EYS: variants seen among roughly 807,000 people sequenced by gnomAD.
The protein encoded by EYS is EGF-like photoreceptor maintenance factor, also known as protein eyes shut homolog.
In EYS, 250 loss-of-function variants were observed where a neutral mutation model predicts 282.1. The observed-to-expected ratio is 0.89, with a 90% CI of 0.80 to 0.98. EYS has a LOEUF of 0.98. EYS is among the 50% of genes least tolerant of loss of function. EYS has a pLI of 0.00. For synonymous variants in EYS, 1,355 were observed against 1,282.9 expected (o/e 1.06, Z -1.20); for missense variants, 4,016 against 3,709.0 (o/e 1.08, Z -2.15).
At chr6:64,823,084 G>A (rs1764948607) in intron 19 of EYS, among the ~76,000 whole-genome samples, 1 of 151,930 alleles carries the variant, frequency 6.6e-6, no homozygotes, top group South Asian at 2.1e-4. Flanking sequence ...GATGTTTGTT[G>A]AGAATATTAG....
chr6:64,396,510 G>A (rs1233940954), intron 28 of EYS, among the ~76,000 whole-genome samples: 3 of 151,846 alleles, frequency 2.0e-5, no homozygotes, highest in Non-Finnish European at 4.4e-5. Context: ...TTAGTATTTT[G>A]TTGTTGTTCC....
rs1389565891 is a variant in EYS, at chr6:64,445,825, A to G, written c.5645-6473T>C. 2.6e-5 allele frequency among the ~76,000 whole-genome samples: 4 copies of G among 152,282 alleles called. No individual in the cohort carries two copies. In the East Asian group the frequency reaches 5.8e-4, roughly 22 times the overall value. On this transcript the variant is annotated intron_variant, in intron 26 of 42. Transcript: ENST00000503581. ...TTAACTGGCTAGAACTGGGTGACCA[A>G]TGAAGCCCTCTGTTGGAGATGAGGA...
chr6:65,062,971 T>C (rs564918870), intron 12 of EYS, among the ~76,000 whole-genome samples: 1 of 152,126 alleles, frequency 6.6e-6, no homozygotes, highest in Non-Finnish European at 1.5e-5. Flanking sequence ...TACCTTCTTT[T>C]CCATCCTTAG....
At chr6:63,846,877 T>A (rs1772112148) in intron 36 of EYS, among the ~76,000 whole-genome samples, 1 of 152,194 alleles carries the variant, frequency 6.6e-6, no homozygotes, top group Non-Finnish European at 1.5e-5. Flanking sequence ...ATACATGAGC[T>A]TTTGCAAGCT....
At chr6:65,486,172 C>T (rs756350252) in intron 5 of EYS, among the ~76,000 whole-genome samples, 2 of 152,112 alleles carry the variant, frequency 1.3e-5, no homozygotes, top group Admixed American at 6.5e-5. Flanking sequence ...TCATGATATT[C>T]ACACAACTAA....
At chr6:65,121,588 TG>T (rs1211373837) in intron 12 of EYS, among the ~76,000 whole-genome samples, 1 of 152,248 alleles carries the variant, frequency 6.6e-6, no homozygotes, top group African/African-American at 2.4e-5. Flanking sequence ...CAGAATATTT[TG>T]GGGGGAGTGA....
chr6:64,992,269 A>T (rs950916665), intron 14 of EYS, among the ~76,000 whole-genome samples: 2 of 151,908 alleles, frequency 1.3e-5, no homozygotes, highest in African/African-American at 4.8e-5. Context: ...TATGAATACT[A>T]TAAGAAGTTT....
chr6:63,848,472 C>T (rs903092178), intron 36 of EYS, among the ~76,000 whole-genome samples: 3 of 151,846 alleles, frequency 2.0e-5, no homozygotes, highest in African/African-American at 7.3e-5. Context: ...TCTGCACTTC[C>T]AACTGAGGTA....
chr6:63,729,961 C>T (rs1768740968), intron 41 of EYS, among the ~76,000 whole-genome samples: 1 of 152,142 alleles, frequency 6.6e-6, no homozygotes, highest in Non-Finnish European at 1.5e-5. Flanking sequence ...AGTCATCTCT[C>T]TTATTGATTA....
intron 5 of EYS, among the ~76,000 whole-genome samples, chr6:65,454,806 G>A (rs1433216942): frequency 2.0e-5 from 3 of 152,012 alleles, no homozygotes; most frequent in Admixed American, 6.6e-5. Flanking sequence ...TTGAAAATCA[G>A]TTCACTGTAG....
intron 5 of EYS, among the ~76,000 whole-genome samples, chr6:65,419,914 A>G (rs1260880394): frequency 6.6e-6 from 1 of 151,972 alleles, no homozygotes; most frequent in African/African-American, 2.4e-5. Context: ...ATTATAATCT[A>G]TTAAGTGTGC....
chr6:64,514,210 C>T (rs1223675111), intron 26 of EYS, among the ~76,000 whole-genome samples: 1 of 151,564 alleles, frequency 6.6e-6, no homozygotes, highest in Non-Finnish European at 1.5e-5. Context: ...TGATTATGTG[C>T]CCTAGACCTA....
chr6:64,962,908 G>A (rs948230620), intron 14 of EYS, among the ~76,000 whole-genome samples: 5 of 152,086 alleles, frequency 3.3e-5, no homozygotes, highest in Non-Finnish European at 7.4e-5. Context: ...TGATTAGCTC[G>A]ATGAGGCTTA....
At chr6:64,498,182 C>T (rs755080688) in intron 26 of EYS, among the ~76,000 whole-genome samples, 2 of 152,042 alleles carry the variant, frequency 1.3e-5, no homozygotes, top group Non-Finnish European at 2.9e-5. Context: ...TTATTTATTG[C>T]TCTAAGTGAT....
chr6:65,177,096 T>A (rs1214434725), intron 12 of EYS, among the ~76,000 whole-genome samples: 1 of 151,794 alleles, frequency 6.6e-6, no homozygotes, highest in African/African-American at 2.4e-5. Flanking sequence ...TTCAATTAAC[T>A]AAGGGAATTT....
At position 64,926,548 on chromosome 6, in the gene EYS, A is replaced by T. The variant is rs187360628; in HGVS notation, c.2382-13805T>A. Among the ~76,000 whole-genome samples, 209 of 152,304 alleles carry T rather than the reference A, an allele frequency of 1.4e-3. 3 individuals are homozygous for T. Among genetic ancestry groups the T allele is most frequent in the Non-Finnish European group, 6.0e-4 (41 of 68,020 alleles). Reference sequence around the variant, plus strand: ...CAGCTTCCCAGTGGGAATGTGCATCATGGAGGCAATCACTCTCTATCTCAT... The same window carrying T: ...CAGCTTCCCAGTGGGAATGTGCATCTTGGAGGCAATCACTCTCTATCTCAT... On this transcript the variant is annotated intron_variant, in intron 15 of 42. Coordinates refer to ENST00000503581, the MANE Select transcript of EYS (RefSeq NM_001142800.2).
At chr6:65,544,031 AG>A (rs1768287698) in intron 2 of EYS, among the ~76,000 whole-genome samples, 1 of 121,820 alleles carries the variant, frequency 8.2e-6, no homozygotes, top group African/African-American at 3.6e-5. Context: ...TGTGTGTGTG[AG>A]AGAGAGAGAG....
chr6:65,108,527 G>A (rs1775112780), intron 12 of EYS, among the ~76,000 whole-genome samples: 2 of 152,044 alleles, frequency 1.3e-5, no homozygotes, highest in South Asian at 4.1e-4. Flanking sequence ...CACTTTAAAT[G>A]TGTGTTCATT....
intron 2 of EYS, among the ~76,000 whole-genome samples, chr6:65,627,451 C>G (rs139174916): frequency 6.6e-6 from 1 of 152,252 alleles, no homozygotes; most frequent in East Asian, 1.9e-4. Context: ...CTTCGGCCGC[C>G]GCTGCACTGT....
Sources: allele counts gnomAD v4.1 joint callset (sites outside exome capture counted in the v4.1 genomes callset), GRCh38; gene constraint gnomAD v4.1.1; transcripts MANE v1.5; gene names NCBI Gene and HGNC (gene_info 2026-07-23, HGNC 2026-07-21).